OR51E2: variants seen among roughly 807,000 people sequenced by gnomAD.
OR51E2 encodes the protein olfactory receptor 51E2.
OR51E2 carries 14 observed loss-of-function variants against 13.7 expected under a neutral mutation model. That is an observed-to-expected ratio of 1.02 (90% CI 0.68 to 1.60). The LOEUF is 1.60. Ranked by LOEUF, OR51E2 falls within the 40% of genes most tolerant of loss-of-function variation. OR51E2 has a pLI of 0.00. For missense variants in OR51E2, 483 were observed against 413.8 expected (o/e 1.17, Z -1.45); for synonymous variants, 180 against 157.6 (o/e 1.14, Z -1.07).
intron 1 of OR51E2, chr11:4,690,888 G>T (rs1361207832): frequency 6.6e-6 from 3 of 456,594 alleles, no homozygotes; most frequent in South Asian, 4.6e-5. Context: ...ATGTACATAG[G>T]CTGGGGCTTG....
intron 1 of OR51E2, chr11:4,685,906 C>G (rs900714412): frequency 4.6e-5 from 7 of 152,204 alleles, no homozygotes; most frequent in Non-Finnish European, 1.0e-4. Context: ...ATATTTAACA[C>G]TAACCTGTTC....
chr11:4,683,646 G>A (rs1233365037), intron 1 of OR51E2, among the ~76,000 whole-genome samples: 2 of 152,200 alleles, frequency 1.3e-5, no homozygotes, highest in Non-Finnish European at 2.9e-5. Flanking sequence ...CTTTGGAGAA[G>A]TATTATTAAT....
At chr11:4,685,208 A>G (rs555448278) in intron 1 of OR51E2, 1 of 152,294 alleles carries the variant, frequency 6.6e-6, no homozygotes, top group South Asian at 2.1e-4. Flanking sequence ...GACAGAGGAA[A>G]AACATCTCCA....
At chr11:4,691,074 C>G in intron 1 of OR51E2, 1 of 456,742 alleles carries the variant, frequency 2.2e-6, no homozygotes, top group Non-Finnish European at 4.4e-6. Context: ...TAAGTCTACA[C>G]CAACAGTAGA....
intron 1 of OR51E2, among the ~76,000 whole-genome samples, chr11:4,687,677 G>T (rs1395501230): frequency 2.0e-5 from 3 of 152,186 alleles, no homozygotes; most frequent in Non-Finnish European, 2.9e-5. Context: ...AAACAGCAGT[G>T]AACAGACCCA....
chr11:4,695,579 C>T (rs1034037126), intron 1 of OR51E2, among the ~76,000 whole-genome samples: 1 of 152,174 alleles, frequency 6.6e-6, no homozygotes, highest in African/African-American at 2.4e-5. Context: ...CCTTCACCTT[C>T]AGTAACAATC....
intron 1 of OR51E2, among the ~76,000 whole-genome samples, chr11:4,696,773 T>C (rs1053161396): frequency 6.6e-6 from 1 of 152,228 alleles, no homozygotes; most frequent in Non-Finnish European, 1.5e-5. Flanking sequence ...ATGATGCTCC[T>C]CTTTCATTGC....
Position 4,697,663 on chromosome 11 carries a change from C to G in OR51E2, c.-61G>C, listed in dbSNP as rs1383383935. The G allele has an allele frequency of 6.6e-6, 1 of 152,654 alleles. No homozygotes were observed. Among genetic ancestry groups the G allele is most frequent in the African/African-American group, 2.4e-5 (1 of 41,440 alleles). 9.5% of individuals were successfully genotyped at this position (152,654 alleles called of 1,614,324 possible). A position where few individuals can be genotyped will look rare whatever the true frequency, so the allele number is the denominator to read the frequency against. ...AACAGTTTTACTTACAGAGCCCATA[C>G]AGCAGTTCGGCCTGTTCCTTTCAGG... On this transcript the variant is annotated 5_prime_UTR_variant, in exon 1 of 2. Coordinates refer to ENST00000396950, the MANE Select transcript of OR51E2 (RefSeq NM_030774.4).
rs1346529206 is a variant in OR51E2 at position 4,680,311 on chromosome 11, A to G, written c.*1438T>C. The G allele has an allele frequency of 1.3e-5, 2 of 152,248 alleles. No homozygotes were observed. Among genetic ancestry groups the G allele is most frequent in the Non-Finnish European group, 2.9e-5 (2 of 68,034 alleles). The allele number at this position is 152,248 out of a possible 1,614,324, so 9.4% of individuals were successfully genotyped here. A position where few individuals can be genotyped will look rare whatever the true frequency, so the allele number is the denominator to read the frequency against. ...AGGAGATGTAAGAGACAAATAGACA[A>G]CAACATTCTCCCTGAATCTGGAAAA... On this transcript the variant is annotated 3_prime_UTR_variant, in exon 2 of 2. Transcript: ENST00000396950.
rs1388036209 is a variant in OR51E2 at position 4,682,660 on chromosome 11, C to G, written c.52G>C (p.Gly18Arg). ...HATFVLIGIP[G>R]LEKAHFWVGF... ...ACCCAGAAATGGGCTTTCTCTAATC[C>G]TGGGATACCAATAAGCACAAAGGTG... The change falls in exon 2 of 2, where the codon GGA (glycine) becomes CGA (arginine). Residue 18 changes from glycine to arginine, a missense_variant. Gly to Arg is a moderately radical substitution (Grantham distance 125, BLOSUM62 -2). Transcript: ENST00000396950. 2 of 1,614,184 alleles carry G rather than the reference C, an allele frequency of 1.2e-6. No homozygotes were observed. Among genetic ancestry groups the G allele is most frequent in the Non-Finnish European group, 1.7e-6 (2 of 1,180,036 alleles).
chr11:4,681,430 C>T lies in OR51E2; in HGVS notation c.*319G>A. ...AAAAAGAGAGAGAAAGTAGGGACAA[C>T]ACTAAATCATTAGTAATTTGAGCAC... On this transcript the variant is annotated 3_prime_UTR_variant, in exon 2 of 2. Transcript: ENST00000396950. 3.5e-6 allele frequency: 1 copy of T among 287,682 alleles called. No individual in the cohort carries two copies. Among genetic ancestry groups the T allele is most frequent in the Non-Finnish European group, 6.5e-6 (1 of 154,426 alleles). The allele number at this position is 287,682 out of a possible 1,614,324, so 17.8% of individuals were successfully genotyped here. A position where few individuals can be genotyped will look rare whatever the true frequency, so the allele number is the denominator to read the frequency against.
chr11:4,690,758 T>C (rs1371937948), intron 1 of OR51E2: 7 of 397,188 alleles, frequency 1.8e-5, no homozygotes, highest in Non-Finnish European at 3.5e-5. Context: ...TTCTACAATT[T>C]TATGTTTCTT....
intron 1 of OR51E2, chr11:4,691,396 T>C (rs1010961312): frequency 1.3e-5 from 6 of 457,770 alleles, no homozygotes; most frequent in African/African-American, 8.0e-5. Context: ...ATAAAGAACA[T>C]GTGGGACAAG....
In OR51E2 at chr11:4,682,111, C is replaced by A. The variant is rs781284528; in HGVS notation, c.601G>T (p.Ala201Ser). The change falls in exon 2 of 2, where the codon GCC becomes TCC. Residue 201 changes from alanine (A) to serine (S), a missense_variant. Physicochemically the swap from Ala to Ser is moderately conservative, Grantham distance 99 (BLOSUM62 1). Coordinates refer to ENST00000396950, the MANE Select transcript of OR51E2 (RefSeq NM_030774.4). ...TLPNVVYGLT[A>S]ILLVMGVDVM... ...TCCACGCCCATGACCAGCAGAATGG[C>A]AGTAAGACCATATACCACATTGGGC... 6 of 1,614,200 alleles carry A rather than the reference C, an allele frequency of 3.7e-6. No homozygotes were observed. In the South Asian group the frequency reaches 6.6e-5, roughly 18 times the overall value.
rs1341833879 is a variant in OR51E2 at position 4,697,853 on chromosome 11, G to C, written c.-251C>G. The C allele has an allele frequency of 6.6e-6, 1 of 152,246 alleles. No individual in the cohort carries two copies. The highest frequency in any genetic ancestry group is 1.5e-5 in the Non-Finnish European group (1 of 68,042). 9.4% of individuals were successfully genotyped at this position (152,246 alleles called of 1,614,324 possible). On this transcript the variant is annotated 5_prime_UTR_variant, in exon 1 of 2. Transcript: ENST00000396950. ...CTTCAGGGTGTGGAGATTCCCAGAA[G>C]ACTTCTTTTGCCTCATACAGTCCTT...
intron 1 of OR51E2, among the ~76,000 whole-genome samples, chr11:4,693,680 C>T (rs1222448823): frequency 6.6e-6 from 1 of 152,082 alleles, no homozygotes; most frequent in Non-Finnish European, 1.5e-5. Context: ...CGAGATGGCG[C>T]CATTGCACTC....
chr11:4,689,926 A>G (rs1292230298), intron 1 of OR51E2, among the ~76,000 whole-genome samples: 3 of 149,716 alleles, frequency 2.0e-5, no homozygotes, highest in African/African-American at 4.9e-5. Flanking sequence ...TTACTTCTTT[A>G]TGTTTCCTAG....
Position 4,680,910 on chromosome 11 carries a change from G to A in OR51E2, c.*839C>T, listed in dbSNP as rs1399426445. 1.3e-5 allele frequency: 2 copies of A among 152,164 alleles called. No individual in the cohort carries two copies. The highest frequency in any genetic ancestry group is 2.9e-5 in the Non-Finnish European group (2 of 68,062). The allele number at this position is 152,164 out of a possible 1,614,324, so 9.4% of individuals were successfully genotyped here. Reference sequence around the variant, plus strand: ...ATGCTTTGAGACAGGGTCTTGCTCTGTTGCCCAGGCTGGAGTGTAGTGGTA... The same window carrying A: ...ATGCTTTGAGACAGGGTCTTGCTCTATTGCCCAGGCTGGAGTGTAGTGGTA... On this transcript the variant is annotated 3_prime_UTR_variant, in exon 2 of 2. Coordinates refer to ENST00000396950, the MANE Select transcript of OR51E2 (RefSeq NM_030774.4).
In OR51E2 at chr11:4,681,668, G is replaced by A; in HGVS notation, c.*81C>T. ...CAGAGAAAAGTACTGATGTGCTTATGGGCAACTGGAAATAAGCTAGTGTTA... is the reference window on the plus strand; with the variant it reads ...CAGAGAAAAGTACTGATGTGCTTATAGGCAACTGGAAATAAGCTAGTGTTA... On this transcript the variant is annotated 3_prime_UTR_variant, in exon 2 of 2. Coordinates refer to ENST00000396950, the MANE Select transcript of OR51E2 (RefSeq NM_030774.4). The A allele has an allele frequency of 5.3e-6, 8 of 1,514,188 alleles. No homozygotes were observed. Among genetic ancestry groups the A allele is most frequent in the Non-Finnish European group, 7.3e-6 (8 of 1,102,718 alleles). The allele number at this position is 1,514,188 out of a possible 1,614,324, so 93.8% of individuals were successfully genotyped here. A position where few individuals can be genotyped will look rare whatever the true frequency, so the allele number is the denominator to read the frequency against.
Sources: allele counts gnomAD v4.1 joint callset (sites outside exome capture counted in the v4.1 genomes callset), GRCh38; gene constraint gnomAD v4.1.1; transcripts MANE v1.5; gene names NCBI Gene and HGNC (gene_info 2026-07-23, HGNC 2026-07-21).